The following ITGA9 variants were observed in gnomAD, a reference collection of about 807,000 sequenced individuals.
The protein encoded by ITGA9 is integrin subunit alpha 9, also known as integrin alpha-9.
ITGA9 carries 56 observed loss-of-function variants against 127.8 expected under a neutral mutation model. The ratio of observed to expected loss-of-function variants is 0.44; its 90% CI spans 0.35 to 0.55. The LOEUF is 0.55. Among genes scored for constraint, ITGA9 ranks in the 20% least tolerant of loss-of-function variants. ITGA9 has a pLI of 0.00. For missense variants in ITGA9, 1,196 were observed against 1,347.1 expected, an observed-to-expected ratio of 0.89 and a Z score of 1.76; for synonymous variants, 508 against 514.5, an observed-to-expected ratio of 0.99 and a Z score of 0.17.
chr3:37,612,531 A>T (rs1265429084), intron 15 of ITGA9, among the ~76,000 whole-genome samples: 3 of 152,220 alleles, frequency 2.0e-5, no homozygotes, highest in Non-Finnish European at 2.9e-5. Flanking sequence ...TTGTGGTTTG[A>T]TGCCTACATT....
intron 15 of ITGA9, among the ~76,000 whole-genome samples, chr3:37,619,872 A>T (rs546924975): frequency 6.7e-6 from 1 of 150,216 alleles, no homozygotes; most frequent in East Asian, 1.9e-4. Context: ...CTCTTAGCTC[A>T]GCCTTCCAGT....
intron 1 of ITGA9, among the ~76,000 whole-genome samples, chr3:37,467,553 G>A (rs1025051738): frequency 3.3e-5 from 5 of 152,156 alleles, no homozygotes; most frequent in African/African-American, 1.2e-4. Flanking sequence ...AATTTCCAGG[G>A]TTCCAATGCC....
rs116583844 is a variant in ITGA9 at position 37,783,668 on chromosome 3, T to C, written c.2788-1309T>C. On this transcript the variant is annotated intron_variant, in intron 25 of 27. Coordinates refer to ENST00000264741, the MANE Select transcript of ITGA9 (RefSeq NM_002207.3). ...TATTATTATTATTCAAGATTGAAAA[T>C]ACAGCATATCCTGATACATAAAACC... is the stretch of plus-strand genomic sequence containing the variant. 2.9e-3 allele frequency among the ~76,000 whole-genome samples: 436 copies of C among 152,262 alleles called. 3 individuals are homozygous for C. The highest frequency in any genetic ancestry group is 9.4e-3 in the African/African-American group (391 of 41,552).
intron 14 of ITGA9, 131 bp from the exon 15 acceptor site, chr3:37,542,294 G>A (rs1699280837): frequency 2.1e-6 from 2 of 946,062 alleles, no homozygotes; most frequent in Non-Finnish European, 1.7e-6. Flanking sequence ...TCTGCTTGGG[G>A]CTGCAGTCTC....
intron 16 of ITGA9, among the ~76,000 whole-genome samples, chr3:37,635,811 T>C (rs1700272330): frequency 7.5e-6 from 1 of 133,394 alleles, no homozygotes; most frequent in South Asian, 2.4e-4. Flanking sequence ...CCCCGGTGTG[T>C]GATGTTCCCC....
chr3:37,714,216 A>T (rs1701109236), intron 18 of ITGA9, among the ~76,000 whole-genome samples: 1 of 152,214 alleles, frequency 6.6e-6, no homozygotes, highest in Non-Finnish European at 1.5e-5. Context: ...TATAAGACCT[A>T]CCTCACGGTG....
chr3:37,626,105 C>T (rs1311243890), intron 15 of ITGA9, among the ~76,000 whole-genome samples: 1 of 152,232 alleles, frequency 6.6e-6, no homozygotes, highest in African/African-American at 2.4e-5. Context: ...ACAGCCCTTA[C>T]TTCAAGCCCC....
chr3:37,595,787 C>T (rs1420696816), intron 15 of ITGA9, among the ~76,000 whole-genome samples: 1 of 152,204 alleles, frequency 6.6e-6, no homozygotes, highest in Non-Finnish European at 1.5e-5. Context: ...CTCTTTGCCC[C>T]ATGTGTGGCA....
chr3:37,656,614 T>G (rs1700479606), intron 17 of ITGA9, among the ~76,000 whole-genome samples: 1 of 152,238 alleles, frequency 6.6e-6, no homozygotes, highest in South Asian at 2.1e-4. Flanking sequence ...GTTTTCTAAA[T>G]ATACAATCAT....
At chr3:37,621,217 C>T (rs941400209) in intron 15 of ITGA9, among the ~76,000 whole-genome samples, 4 of 152,178 alleles carry the variant, frequency 2.6e-5, no homozygotes, top group African/African-American at 7.2e-5. Context: ...TTTTGCCTTC[C>T]ACCATGGTTG....
intron 10 of ITGA9, 99 bp downstream of exon 10, chr3:37,517,708 A>G (rs977898334): frequency 1.4e-5 from 12 of 878,694 alleles, no homozygotes; most frequent in Non-Finnish European, 2.0e-5. Flanking sequence ...CTCTAGTGGC[A>G]TGCTCCTGGG....
chr3:37,683,837 A>G, intron 17 of ITGA9, 28 bp from the exon 18 acceptor site: 1 of 1,612,912 alleles, frequency 6.2e-7, no homozygotes, highest in Non-Finnish European at 8.5e-7. Context: ...GCCTCAGGGC[A>G]TTCATTGCTG....
At chr3:37,516,049 C>T (rs1016452716) in intron 9 of ITGA9, among the ~76,000 whole-genome samples, 4 of 152,098 alleles carry the variant, frequency 2.6e-5, no homozygotes, top group Non-Finnish European at 4.4e-5. Context: ...TTCAGTGGTG[C>T]CTGCCATTGT....
At chr3:37,626,203 G>A (rs1402385687) in intron 15 of ITGA9, among the ~76,000 whole-genome samples, 1 of 152,208 alleles carries the variant, frequency 6.6e-6, no homozygotes, top group Non-Finnish European at 1.5e-5. Flanking sequence ...ATGTAAACAA[G>A]TAATTTTTTA....
chr3:37,744,908 A>C (rs1696482799), intron 22 of ITGA9, among the ~76,000 whole-genome samples: 1 of 152,268 alleles, frequency 6.6e-6, no homozygotes, highest in South Asian at 2.1e-4. Context: ...GCTGGGGCCA[A>C]GACCTGGCGG....
chr3:37,483,070 G>A (rs1698572879), intron 4 of ITGA9, among the ~76,000 whole-genome samples: 1 of 152,172 alleles, frequency 6.6e-6, no homozygotes, highest in Non-Finnish European at 1.5e-5. Flanking sequence ...CGGTGGGGCA[G>A]CTCTTCAGGC....
At chr3:37,656,389 T>C (rs1700478013) in intron 17 of ITGA9, among the ~76,000 whole-genome samples, 1 of 152,172 alleles carries the variant, frequency 6.6e-6, no homozygotes, top group Admixed American at 6.5e-5. Flanking sequence ...TTTGTAGTTC[T>C]CTTGAAGAGG....
chr3:37,705,266 A>AT lies in ITGA9; in HGVS notation c.2067+21255dup, dbSNP rs1395652155. ...TAGAGGATTTTTAATGGAGATCAGA[A>AT]TTTTCACTTATAAAAGTACCATTTA... On this transcript the variant is annotated intron_variant, in intron 18 of 27. Coordinates refer to ENST00000264741, the MANE Select transcript of ITGA9 (RefSeq NM_002207.3). Among the ~76,000 whole-genome samples the AT allele has an allele frequency of 7.2e-5, 11 of 152,336 alleles. No individual in the cohort carries two copies. The South Asian group carries it at 2.3e-3, about 32-fold the overall frequency.
chr3:37,648,694 C>T (rs1700402042), intron 16 of ITGA9, among the ~76,000 whole-genome samples: 1 of 151,846 alleles, frequency 6.6e-6, no homozygotes, highest in Non-Finnish European at 1.5e-5. Context: ...TAAACCTGTG[C>T]TTCTCAAGTT....
Sources: allele counts gnomAD v4.1 joint callset (sites outside exome capture counted in the v4.1 genomes callset), GRCh38; gene constraint gnomAD v4.1.1; transcripts MANE v1.5; gene names NCBI Gene and HGNC (gene_info 2026-07-23, HGNC 2026-07-21).